Variants in CUL9 observed in about 807,000 individuals in gnomAD.
The protein encoded by CUL9 is cullin-9.
A neutral mutation model predicts 272.6 loss-of-function variants in CUL9; 79 were observed. The ratio of observed to expected loss-of-function variants is 0.29; its 90% confidence interval spans 0.24 to 0.35. The LOEUF is 0.35. Ranked by LOEUF, CUL9 falls within the 10% of genes least tolerant of loss-of-function variation. The pLI, the probability that CUL9 is intolerant of heterozygous loss-of-function variation, is 1.00. For missense variants in CUL9, 2,532 were observed against 3,255.6 expected (o/e 0.78, Z 5.41); for synonymous variants, 1,186 against 1,286.5 (o/e 0.92, Z 1.67).
In CUL9 at chr6:43,213,249, G is replaced by A; in HGVS notation, c.5313G>A (p.Val1771=). 2 of 1,613,278 alleles carry A rather than the reference G, an allele frequency of 1.2e-6. No individual in the cohort carries two copies. Among genetic ancestry groups the A allele is most frequent in the Non-Finnish European group, 1.7e-6 (2 of 1,179,816 alleles). The change falls in exon 27 of 41, where the codon GTG becomes GTA. Residue 1771 remains valine (V), a synonymous_variant. Transcript: ENST00000252050. This position sits in a 1 kb window ranked among gnomAD's most constrained non-coding sequence, Gnocchi z 5.7. ...ELQFGKQILH[V]STVQMWLLLK... The stretch of plus-strand genomic sequence containing the variant: ...AGTTTGGGAAGCAGATACTGCATGT[G>A]TCCACCGTGCAGATGTGGCTGCTGC...
Position 43,200,194 on chromosome 6 carries a change from A to G in CUL9, c.3384+38A>G, listed in dbSNP as rs1336934901. On this transcript the variant is annotated intron_variant, in intron 14 of 40. Coordinates refer to ENST00000252050, the MANE Select transcript of CUL9 (RefSeq NM_015089.4). This position sits in a 1 kb window ranked among gnomAD's most constrained non-coding sequence, Gnocchi z 4.0. ...TGTGGGTATGCAGCTGAGAGAATGC[A>G]AGTCAGAAGCAGGAGAAGGGGATTC... 1 of 1,579,258 alleles carries G rather than the reference A, an allele frequency of 6.3e-7. No homozygotes were observed. The highest frequency in any genetic ancestry group is 2.2e-5 in the East Asian group (1 of 44,526).
At position 43,203,241 on chromosome 6, in the gene CUL9, A is replaced by T. The variant is rs778886175; in HGVS notation, c.3849+37A>T. On this transcript the variant is annotated intron_variant, in intron 18 of 40. Transcript: ENST00000252050. This position sits in a 1 kb window ranked among gnomAD's most constrained non-coding sequence, Gnocchi z 5.0. ...GTGTCAGCCAGGGCTGAGGAGGAGG[A>T]GGTGGCACACAAGTTTCTCCTTGAT... The T allele has an allele frequency of 6.2e-7, 1 of 1,608,682 alleles. No individual in the cohort carries two copies. Among genetic ancestry groups the T allele is most frequent in the Non-Finnish European group, 8.5e-7 (1 of 1,175,144 alleles).
At chr6:43,205,176 C>T in intron 23 of CUL9, 61 bp downstream of exon 23, 1 of 1,582,614 alleles carries the variant, frequency 6.3e-7, no homozygotes, top group Non-Finnish European at 8.6e-7. Flanking sequence ...TCTCTTTCTG[C>T]TCTGCCCTTT....
At chr6:43,194,011 T>C (rs1773766550) in intron 9 of CUL9, among the ~76,000 whole-genome samples, 1 of 152,188 alleles carries the variant, frequency 6.6e-6, no homozygotes, top group Non-Finnish European at 1.5e-5. Flanking sequence ...GCATTGCCAT[T>C]GCCCAGAGAA....
chr6:43,191,799 G>T (rs929428754), intron 8 of CUL9, among the ~76,000 whole-genome samples: 2 of 151,694 alleles, frequency 1.3e-5, no homozygotes, highest in Non-Finnish European at 2.9e-5. Flanking sequence ...TGGCCACATT[G>T]GTCTCGAACT....
chr6:43,215,414 T>C, intron 30 of CUL9, 88 bp downstream of exon 30: 1 of 1,484,268 alleles, frequency 6.7e-7, no homozygotes, highest in Non-Finnish European at 8.9e-7. Context: ...ACTTCCCTTC[T>C]TTCTTTGTCT....
Position 43,222,589 on chromosome 6 carries a change from G to C in CUL9, c.6980G>C (p.Arg2327Thr), listed in dbSNP as rs778836853. The C allele has an allele frequency of 2.5e-6, 4 of 1,613,458 alleles. No homozygotes were observed. Among genetic ancestry groups the C allele is most frequent in the Non-Finnish European group, 3.4e-6 (4 of 1,180,032 alleles). ...VSAIHEVPPP[R>T]SFTFLNDACQ... Reference sequence around the variant, plus strand: ...GCCATCCATGAAGTGCCCCCGCCCAGATCCTTCACCTTCCTCAATGATGCC... The same window carrying C: ...GCCATCCATGAAGTGCCCCCGCCCACATCCTTCACCTTCCTCAATGATGCC... Residue 2327 changes from arginine (R) to threonine (T), a missense_variant, in exon 37 of 41, where the codon AGA becomes ACA. By Grantham distance (71) the Arg-to-Thr change is moderately conservative. Transcript: ENST00000252050.
chr6:43,185,526 T>G lies in CUL9; in HGVS notation c.666T>G (p.Ser222Arg). Residue 222 changes from serine (S) to arginine (R), a missense_variant, in exon 3 of 41, where the codon AGT becomes AGG. Transcript: ENST00000252050. ...TCGAGCAGCACATGGATTTTGACAGTCGCTATACATTGCTGGAGCTGTTTG... is the reference window on the plus strand; with the variant it reads ...TCGAGCAGCACATGGATTTTGACAGGCGCTATACATTGCTGGAGCTGTTTG... ...DGIEQHMDFDSRYTLLELFAE... is the reference protein window; with the variant it reads ...DGIEQHMDFDRRYTLLELFAE... The G allele has an allele frequency of 1.2e-6, 2 of 1,614,060 alleles. No homozygotes were observed. Among genetic ancestry groups the G allele is most frequent in the Non-Finnish European group, 1.7e-6 (2 of 1,180,034 alleles).
At chr6:43,222,960 C>G in intron 38 of CUL9, 64 bp downstream of exon 38, 2 of 1,398,788 alleles carry the variant, frequency 1.4e-6, no homozygotes, top group Non-Finnish European at 1.0e-6. Flanking sequence ...CAGCCCGGCC[C>G]CTCCCAGACA....
chr6:43,189,559 T>C (rs1773250749), intron 8 of CUL9, among the ~76,000 whole-genome samples: 1 of 152,064 alleles, frequency 6.6e-6, no homozygotes, highest in Non-Finnish European at 1.5e-5. Context: ...TTTACTTGTT[T>C]TTGAGACAGA....
In CUL9 at chr6:43,221,606, G is replaced by T; in HGVS notation, c.6753-79G>T. 2.3e-6 allele frequency: 3 copies of T among 1,303,806 alleles called. No homozygotes were observed. Among genetic ancestry groups the T allele is most frequent in the Non-Finnish European group, 3.3e-6 (3 of 916,634 alleles). The allele number at this position is 1,303,806 out of a possible 1,614,324, so 80.8% of individuals were successfully genotyped here. On this transcript the variant is annotated intron_variant, in intron 34 of 40. Coordinates refer to ENST00000252050, the MANE Select transcript of CUL9 (RefSeq NM_015089.4). This position sits in a 1 kb window ranked among gnomAD's most constrained non-coding sequence, Gnocchi z 4.2. ...GAGCAGAGGCCACAGCATCAACAGC[G>T]GTACATCTGGGCCCTTGGCATTCCT...
In CUL9 at chr6:43,200,519, C is replaced by T. The variant is rs760652139; in HGVS notation, c.3468C>T (p.Leu1156=). The T allele has an allele frequency of 4.6e-5, 75 of 1,614,084 alleles. No homozygotes were observed. The highest frequency in any genetic ancestry group is 6.0e-5 in the Non-Finnish European group (71 of 1,180,046). The change falls in exon 15 of 41, where the codon CTC becomes CTT. Residue 1156 remains leucine (L), a synonymous_variant. Transcript: ENST00000252050. This position sits in a 1 kb window ranked among gnomAD's most constrained non-coding sequence, Gnocchi z 4.0. ...IPFFDVFLRH[L]CQGSSVEVKE... Reference sequence around the variant, plus strand: ...TCTTTGATGTGTTCCTCAGGCATCTCTGCCAGGGTTAGTGCCCTCATCTGC... The same window carrying T: ...TCTTTGATGTGTTCCTCAGGCATCTTTGCCAGGGTTAGTGCCCTCATCTGC...
Position 43,204,836 on chromosome 6 carries a change from GCTGA to G in CUL9, c.4429_4432del (p.Leu1477AlafsTer68). On this transcript the variant is annotated frameshift_variant, in exon 22 of 41. Coordinates refer to ENST00000252050, the MANE Select transcript of CUL9 (RefSeq NM_015089.4). LOFTEE classifies it high-confidence loss of function. ...GCCTGAGGAACATAACCCAGTGCTG[GCTGA>G]GCGTGGTGCAGGAGCAGGTGGGCAG... is the stretch of plus-strand genomic sequence containing the variant. 2 of 1,614,236 alleles carry G rather than the reference GCTGA, an allele frequency of 1.2e-6. No individual in the cohort carries two copies. The highest frequency in any genetic ancestry group is 1.7e-6 in the Non-Finnish European group (2 of 1,180,050).
chr6:43,199,253 A>G lies in CUL9; in HGVS notation c.3051-13A>G. On this transcript the variant is annotated splice_polypyrimidine_tract_variant and intron_variant, in intron 12 of 40. Transcript: ENST00000252050. The surrounding 1 kb of genome is among the most constrained non-coding windows in gnomAD (Gnocchi z 4.4). ...GCCTGGCCTGACTTCACTCGTTTCT[A>G]CCCCCTCACCAGGGTCATAACCCGA... The G allele has an allele frequency of 6.2e-7, 1 of 1,605,544 alleles. No individual in the cohort carries two copies. Among genetic ancestry groups the G allele is most frequent in the South Asian group, 1.1e-5 (1 of 90,850 alleles).
intron 26 of CUL9, among the ~76,000 whole-genome samples, chr6:43,208,747 G>A (rs957070948): frequency 6.6e-6 from 1 of 152,114 alleles, no homozygotes; most frequent in Non-Finnish European, 1.5e-5. Flanking sequence ...ATGGAGAGAA[G>A]TTCTTAATCT....
At chr6:43,192,351 A>G (rs559729461) in intron 8 of CUL9, among the ~76,000 whole-genome samples, 7 of 152,036 alleles carry the variant, frequency 4.6e-5, no homozygotes, top group Non-Finnish European at 1.0e-4. Context: ...CCTGACTACC[A>G]CTATTTTTTT....
In CUL9 at chr6:43,221,859, G is replaced by T; in HGVS notation, c.6846+81G>T. ...CTGCTACCAGGTCCTGGGCAGACAG[G>T]GCTCCTTGTGCAGTGCAGCATTCTA... On this transcript the variant is annotated intron_variant, in intron 35 of 40. Transcript: ENST00000252050. This position sits in a 1 kb window ranked among gnomAD's most constrained non-coding sequence, Gnocchi z 4.2. The T allele has an allele frequency of 8.0e-7, 1 of 1,246,100 alleles. No individual in the cohort carries two copies. 77.2% of individuals were successfully genotyped at this position (1,246,100 alleles called of 1,614,324 possible).
chr6:43,203,492 C>T lies in CUL9; in HGVS notation c.3925C>T (p.Gln1309Ter). 1 of 1,614,138 alleles carries T rather than the reference C, an allele frequency of 6.2e-7. No individual in the cohort carries two copies. Among genetic ancestry groups the T allele is most frequent in the Non-Finnish European group, 8.5e-7 (1 of 1,180,028 alleles). ...CACATTCTGGCCACTGTTCCGGGAG[C>T]AGCTGTGTCGCCGAACATGTCTCTT... ...KPTFWPLFREQLCRRTCLFYT... is the reference protein window; with the variant it reads ...KPTFWPLFRE The change falls in exon 19 of 41, where the codon CAG (glutamine) becomes TAG (stop). Residue 1309 changes from glutamine to a stop codon, truncating the protein, a stop_gained. Transcript: ENST00000252050. LOFTEE classifies it high-confidence loss of function. This position sits in a 1 kb window ranked among gnomAD's most constrained non-coding sequence, Gnocchi z 5.0.
intron 4 of CUL9, among the ~76,000 whole-genome samples, chr6:43,186,698 T>C (rs1255322187): frequency 6.6e-6 from 1 of 152,022 alleles, no homozygotes; most frequent in Non-Finnish European, 1.5e-5. Flanking sequence ...TAAATGGAGA[T>C]ACCTCCCCAC....
Sources: allele counts gnomAD v4.1 joint callset (sites outside exome capture counted in the v4.1 genomes callset), GRCh38; gene constraint gnomAD v4.1.1; non-coding constraint Gnocchi (gnomAD v3.1); transcripts MANE v1.5; gene names NCBI Gene and HGNC (gene_info 2026-07-23, HGNC 2026-07-21).